The following RABEP1 variants were observed in gnomAD, a reference collection of about 807,000 sequenced individuals.
RABEP1 encodes rabaptin, RAB GTPase binding effector protein 1.
Under a neutral mutation model 123.4 loss-of-function variants are expected in RABEP1, and 51 were observed. The observed-to-expected ratio is 0.41, with a 90% CI of 0.33 to 0.52. The LOEUF is 0.52. Among genes scored for constraint, RABEP1 ranks in the 20% least tolerant of loss-of-function variants. The pLI is 0.16. For missense variants in RABEP1, 888 were observed against 996.3 expected (o/e 0.89, Z 1.46); for synonymous variants, 347 against 355.2 (o/e 0.98, Z 0.26).
At chr17:5,295,068 C>A (rs532517038) in intron 1 of RABEP1, among the ~76,000 whole-genome samples, 36 of 151,866 alleles carry the variant, frequency 2.4e-4, no homozygotes, top group Non-Finnish European at 5.3e-4. Context: ...AAGAGATGTT[C>A]ATGATGTATT....
chr17:5,369,861 C>T (rs543313389), intron 12 of RABEP1, among the ~76,000 whole-genome samples: 8 of 152,152 alleles, frequency 5.3e-5, no homozygotes, highest in South Asian at 4.2e-4. Context: ...CCACCACACC[C>T]GGCTAATTTT....
At chr17:5,301,256 C>T (rs2075132637) in intron 1 of RABEP1, among the ~76,000 whole-genome samples, 1 of 152,154 alleles carries the variant, frequency 6.6e-6, no homozygotes, top group Non-Finnish European at 1.5e-5. Context: ...AACCTCGTTT[C>T]TTTACACTGC....
In RABEP1 at chr17:5,335,233, G is replaced by A; in HGVS notation, c.417G>A (p.Glu139=). Reference sequence around the variant, plus strand: ...AGTTCCACCTTAGGCTGGAGCAGGAGCGAACACAGTGGGCACAGTATAGAG... The same window carrying A: ...AGTTCCACCTTAGGCTGGAGCAGGAACGAACACAGTGGGCACAGTATAGAG... ...EHQFHLRLEQ[E]RTQWAQYRES... is the part of the protein sequence containing the mutation. Residue 139 remains glutamate, a synonymous_variant, in exon 4 of 18, where the codon GAG becomes GAA. Coordinates refer to ENST00000537505, the MANE Select transcript of RABEP1 (RefSeq NM_004703.6). The A allele has an allele frequency of 2.5e-6, 4 of 1,614,006 alleles. No homozygotes were observed. Among genetic ancestry groups the A allele is most frequent in the Non-Finnish European group, 3.4e-6 (4 of 1,179,944 alleles).
chr17:5,368,430 G>A lies in RABEP1; in HGVS notation c.1846G>A (p.Gly616Arg). The change falls in exon 12 of 18, where the codon GGG becomes AGG. Residue 616 changes from glycine to arginine, a missense_variant. By Grantham distance (125) the Gly-to-Arg change is moderately radical. Transcript: ENST00000537505. ...GATCTTACTTGAAGAGTTACAGCAG[G>A]GGCTTTCCCAGGCAAAGAGGGATGT... ...SEILLEELQQGLSQAKRDVQE... is the reference protein window; with the variant it reads ...SEILLEELQQRLSQAKRDVQE... The A allele has an allele frequency of 1.2e-6, 2 of 1,613,452 alleles. No individual in the cohort carries two copies. The highest frequency in any genetic ancestry group is 2.2e-5 in the South Asian group (2 of 91,032).
intron 4 of RABEP1, among the ~76,000 whole-genome samples, chr17:5,337,749 A>G (rs1907231961): frequency 6.6e-6 from 1 of 152,048 alleles, no homozygotes; most frequent in African/African-American, 2.4e-5. Flanking sequence ...ATATTTTCTT[A>G]ATTGATTAAG....
intron 2 of RABEP1, among the ~76,000 whole-genome samples, chr17:5,318,936 T>G (rs956714412): frequency 6.6e-6 from 1 of 152,162 alleles, no homozygotes; most frequent in Non-Finnish European, 1.5e-5. Context: ...ATATTTGAGG[T>G]GATGGATATG....
rs1911670528 is a variant in RABEP1 at position 5,383,472 on chromosome 17, T to G, written c.*249T>G. On this transcript the variant is annotated 3_prime_UTR_variant, in exon 18 of 18. Coordinates refer to ENST00000537505, the MANE Select transcript of RABEP1 (RefSeq NM_004703.6). ...AGGCTTGATTCCAACAGGCGTGGGA[T>G]CAGATTTGGTGATGGAAAAAGCGCT... The G allele has an allele frequency of 2.3e-6, 1 of 432,612 alleles. No homozygotes were observed. The allele number at this position is 432,612 out of a possible 1,614,324, so 26.8% of individuals were successfully genotyped here. A position where few individuals can be genotyped will look rare whatever the true frequency, so the allele number is the denominator to read the frequency against.
At chr17:5,294,894 C>T (rs55761811) in intron 1 of RABEP1, among the ~76,000 whole-genome samples, 53 of 151,494 alleles carry the variant, frequency 3.5e-4, no homozygotes, top group African/African-American at 1.3e-3. Flanking sequence ...GATCTGCCGG[C>T]CTCGGCCTCC....
At chr17:5,358,123 T>C (rs137905313) in intron 8 of RABEP1, among the ~76,000 whole-genome samples, 1,937 of 152,248 alleles carry the variant, frequency 0.013, 18 homozygotes, top group Middle Eastern at 0.034. Flanking sequence ...TTATTATCTC[T>C]AGAAATTAGC....
At chr17:5,367,374 C>A (rs368935279) in intron 11 of RABEP1, among the ~76,000 whole-genome samples, 6 of 151,560 alleles carry the variant, frequency 4.0e-5, no homozygotes, top group Admixed American at 3.3e-4. Context: ...CAGGTTCAAG[C>A]GATTCTCCTG....
At chr17:5,343,670 C>CTTT (rs753410845) in intron 5 of RABEP1, among the ~76,000 whole-genome samples, 6,596 of 99,422 alleles carry the variant, frequency 0.066, 369 homozygotes, top group East Asian at 0.12. Flanking sequence ...TTTCTTTTCT[C>CTTT]TTTTTTTTTT....
intron 2 of RABEP1, among the ~76,000 whole-genome samples, chr17:5,328,678 C>T (rs911832930): frequency 5.3e-5 from 7 of 132,820 alleles, no homozygotes; most frequent in Admixed American, 2.4e-4. Context: ...AAAAGCCGGG[C>T]GCAGTGGCTC....
chr17:5,319,911 G>GA (rs1026457338), intron 2 of RABEP1, among the ~76,000 whole-genome samples: 1 of 152,142 alleles, frequency 6.6e-6, no homozygotes, highest in Admixed American at 6.6e-5. Flanking sequence ...CCAAATCTAA[G>GA]AATTGTTGGT....
At chr17:5,365,555 A>T (rs1909936628) in intron 11 of RABEP1, among the ~76,000 whole-genome samples, 1 of 152,108 alleles carries the variant, frequency 6.6e-6, no homozygotes, top group East Asian at 1.9e-4. Flanking sequence ...ACTTTTTAAA[A>T]GTATAGCAAC....
intron 1 of RABEP1, 92 bp from the exon 2 acceptor site, chr17:5,308,602 G>A (rs1047527990): frequency 6.2e-5 from 70 of 1,122,966 alleles, no homozygotes; most frequent in Non-Finnish European, 6.9e-5. Flanking sequence ...CTTGTTTCAC[G>A]TATAGCAATG....
intron 8 of RABEP1, among the ~76,000 whole-genome samples, chr17:5,356,242 G>C (rs1303698488): frequency 6.6e-6 from 1 of 152,120 alleles, no homozygotes; most frequent in Non-Finnish European, 1.5e-5. Context: ...TGTAATCCCA[G>C]CTACTCAGGT....
intron 2 of RABEP1, among the ~76,000 whole-genome samples, chr17:5,321,755 A>G (rs976947113): frequency 2.0e-5 from 3 of 152,218 alleles, no homozygotes; most frequent in East Asian, 3.8e-4. Context: ...ATTAAAATAG[A>G]CTACAAATCT....
chr17:5,312,615 T>A (rs1457993513), intron 2 of RABEP1, among the ~76,000 whole-genome samples: 1 of 152,186 alleles, frequency 6.6e-6, no homozygotes, highest in African/African-American at 2.4e-5. Context: ...GGCTGTTTTT[T>A]ATTTTCTTTT....
chr17:5,347,881 C>T (rs181865124), intron 6 of RABEP1, among the ~76,000 whole-genome samples: 11 of 152,174 alleles, frequency 7.2e-5, no homozygotes, highest in Non-Finnish European at 1.6e-4. Context: ...ATTGAGACTA[C>T]CAACCTTCCT....
Sources: allele counts gnomAD v4.1 joint callset (sites outside exome capture counted in the v4.1 genomes callset), GRCh38; gene constraint gnomAD v4.1.1; transcripts MANE v1.5; gene names NCBI Gene and HGNC (gene_info 2026-07-23, HGNC 2026-07-21).